The following HIPK3 variants were observed in gnomAD, a reference collection of about 807,000 sequenced individuals.
HIPK3 encodes homeodomain interacting protein kinase 3.
HIPK3 carries 47 observed loss-of-function variants against 124.2 expected under a neutral mutation model. The ratio of observed to expected loss-of-function variants is 0.38; its 90% CI spans 0.30 to 0.48. The LOEUF (loss-of-function observed/expected upper bound fraction) is 0.48. HIPK3 is among the 20% of genes least tolerant of loss of function. HIPK3 has a pLI of 0.98. For synonymous variants in HIPK3, 482 were observed against 515.2 expected (o/e 0.94, Z 0.87); for missense variants, 1,286 against 1,454.3 (o/e 0.88, Z 1.88).
intron 8 of HIPK3, among the ~76,000 whole-genome samples, chr11:33,343,016 G>A (rs1296200741): frequency 1.3e-5 from 2 of 152,036 alleles, no homozygotes; most frequent in Non-Finnish European, 2.9e-5. Flanking sequence ...ATTACAGATG[G>A]GGCCCTAAAC....
Position 33,353,596 on chromosome 11 carries a change from A to G in HIPK3, c.*28A>G. On this transcript the variant is annotated 3_prime_UTR_variant, in exon 17 of 17. Coordinates refer to ENST00000303296, the MANE Select transcript of HIPK3 (RefSeq NM_005734.5). ...AACAGTATATTGGGGAAGCTCAATGATACAAACATTTGATTAAAAATAAAA... is the reference window on the plus strand; with the variant it reads ...AACAGTATATTGGGGAAGCTCAATGGTACAAACATTTGATTAAAAATAAAA... 1 of 1,341,332 alleles carries G rather than the reference A, an allele frequency of 7.5e-7. No individual in the cohort carries two copies. The allele number at this position is 1,341,332 out of a possible 1,614,324, so 83.1% of individuals were successfully genotyped here.
intron 2 of HIPK3, among the ~76,000 whole-genome samples, chr11:33,310,244 CTG>C (rs1852283200): frequency 6.8e-6 from 1 of 147,220 alleles, no homozygotes; most frequent in Non-Finnish European, 1.5e-5. Flanking sequence ...GTCTGTCTGT[CTG>C]TCTGTCTGTC....
At chr11:33,267,664 C>A (rs1479205787) in intron 1 of HIPK3, among the ~76,000 whole-genome samples, 2 of 151,170 alleles carry the variant, frequency 1.3e-5, no homozygotes, top group South Asian at 4.2e-4. Context: ...CAGCTAAAAT[C>A]TTTTTGTATT....
intron 1 of HIPK3, among the ~76,000 whole-genome samples, chr11:33,272,760 C>CCCACCCTTCCT (rs1851162467): frequency 9.8e-6 from 1 of 102,562 alleles, no homozygotes; most frequent in African/African-American, 3.8e-5. Context: ...CTCCTTCTCT[C>CCCACCCTTCCT]CCTCCCTCCC....
At chr11:33,305,003 T>C (rs1003389711) in intron 2 of HIPK3, among the ~76,000 whole-genome samples, 1 of 152,176 alleles carries the variant, frequency 6.6e-6, no homozygotes, top group Admixed American at 6.5e-5. Flanking sequence ...CAAAACTTTT[T>C]TTATTTTTGT....
chr11:33,296,382 A>G (rs1412474417), intron 2 of HIPK3, among the ~76,000 whole-genome samples: 1 of 152,218 alleles, frequency 6.6e-6, no homozygotes, highest in African/African-American at 2.4e-5. Flanking sequence ...ACCTGGACAC[A>G]GGTCAGGTAT....
rs773234526 is a variant in HIPK3 at position 33,347,780 on chromosome 11, G to A, written c.2144+27G>A. On this transcript the variant is annotated intron_variant, in intron 10 of 16. Coordinates refer to ENST00000303296, the MANE Select transcript of HIPK3 (RefSeq NM_005734.5). ...TAAGCTGAAAACAAAAGTACTTTGT[G>A]AATAGTTTGCAGACTAGATCTTGAT... 2.5e-6 allele frequency: 4 copies of A among 1,612,706 alleles called. No homozygotes were observed. The Admixed American group carries it at 6.7e-5, about 27-fold the overall frequency.
At chr11:33,315,530 T>G (rs963160408) in intron 2 of HIPK3, among the ~76,000 whole-genome samples, 5 of 152,184 alleles carry the variant, frequency 3.3e-5, no homozygotes, top group African/African-American at 9.7e-5. Flanking sequence ...TGGCCTTAGC[T>G]AAGTTATTTA....
rs538179966 is a variant in HIPK3, at chr11:33,353,808, G to A, written c.*240G>A. 11 of 452,412 alleles carry A rather than the reference G, an allele frequency of 2.4e-5. No individual in the cohort carries two copies. In the East Asian group the frequency reaches 4.7e-4, roughly 20 times the overall value. 28.0% of individuals were successfully genotyped at this position (452,412 alleles called of 1,614,324 possible). A position where few individuals can be genotyped will look rare whatever the true frequency, so the allele number is the denominator to read the frequency against. ...TCTAGACAGGTGACTTATGGGAGCA[G>A]AAGTCCAGTTTTGCTCCTGCTATTT... On this transcript the variant is annotated 3_prime_UTR_variant, in exon 17 of 17. Transcript: ENST00000303296.
intron 2 of HIPK3, among the ~76,000 whole-genome samples, chr11:33,307,555 C>A (rs1180711800): frequency 2.0e-5 from 3 of 151,342 alleles, no homozygotes; most frequent in Admixed American, 1.3e-4. Context: ...CCTGCCACCA[C>A]GCCTGGCTAA....
chr11:33,319,063 G>A (rs1852587729), intron 2 of HIPK3, among the ~76,000 whole-genome samples: 1 of 152,218 alleles, frequency 6.6e-6, no homozygotes, highest in African/African-American at 2.4e-5. Context: ...AAATTTGGTT[G>A]CTTCAGAAAC....
At chr11:33,304,557 C>CA (rs530460755) in intron 2 of HIPK3, among the ~76,000 whole-genome samples, 2,390 of 113,866 alleles carry the variant, frequency 0.021, 15 homozygotes, top group African/African-American at 0.022. Context: ...AACTCCATTT[C>CA]AAAAAAAAAA....
intron 2 of HIPK3, among the ~76,000 whole-genome samples, chr11:33,303,844 A>G (rs1852073996): frequency 6.6e-6 from 1 of 152,220 alleles, no homozygotes; most frequent in African/African-American, 2.4e-5. Flanking sequence ...TAAAAGGAAC[A>G]AACATTTCTT....
At chr11:33,311,837 TACACACACACAC>T (rs370396153) in intron 2 of HIPK3, among the ~76,000 whole-genome samples, 2 of 104,408 alleles carry the variant, frequency 1.9e-5, no homozygotes, top group African/African-American at 3.8e-5. Context: ...ACCCTGTTTC[TACACACACACAC>T]ACACACACAC....
chr11:33,290,638 GTCT>G (rs1349805267), intron 2 of HIPK3, among the ~76,000 whole-genome samples: 2 of 121,086 alleles, frequency 1.7e-5, no homozygotes, highest in East Asian at 2.6e-4. Flanking sequence ...AAAAAAAAAA[GTCT>G]TTTTTTTTTT....
At chr11:33,268,741 C>T (rs1014834561) in intron 1 of HIPK3, among the ~76,000 whole-genome samples, 1 of 151,970 alleles carries the variant, frequency 6.6e-6, no homozygotes, top group Non-Finnish European at 1.5e-5. Context: ...CCTAGTGTGG[C>T]ATTTCTGAAA....
At chr11:33,342,484 G>T (rs1055072868) in intron 8 of HIPK3, among the ~76,000 whole-genome samples, 7 of 151,538 alleles carry the variant, frequency 4.6e-5, no homozygotes, top group Non-Finnish European at 1.0e-4. Flanking sequence ...AATAAAAATA[G>T]CCAATTAAAT....
Position 33,356,596 on chromosome 11 carries a change from G to A in HIPK3, c.*3028G>A, listed in dbSNP as rs1279727704. 6.6e-6 allele frequency: 1 copy of A among 151,400 alleles called. No homozygotes were observed. The highest frequency in any genetic ancestry group is 1.5e-5 in the Non-Finnish European group (1 of 67,808). 9.4% of individuals were successfully genotyped at this position (151,400 alleles called of 1,614,324 possible). ...TTTAAAATCTGCTAATTTTAAACTT[G>A]GACTGTGTTAAGTAAAAGTTAAATC... is the stretch of plus-strand genomic sequence containing the variant. On this transcript the variant is annotated 3_prime_UTR_variant, in exon 17 of 17. Transcript: ENST00000303296.
rs1295707300 is a variant in HIPK3 at position 33,342,704 on chromosome 11, C to A, written c.1897+1018C>A. On this transcript the variant is annotated intron_variant, in intron 8 of 16. Coordinates refer to ENST00000303296, the MANE Select transcript of HIPK3 (RefSeq NM_005734.5). ...CTGGGAAGCTGGGATTACAGGCATGCGCCACCACGCCTGGCTAATTTTGTA... is the reference window on the plus strand; with the variant it reads ...CTGGGAAGCTGGGATTACAGGCATGAGCCACCACGCCTGGCTAATTTTGTA... Among the ~76,000 whole-genome samples the A allele has an allele frequency of 2.0e-5, 3 of 152,168 alleles. No homozygotes were observed. The East Asian group carries it at 5.8e-4, about 29-fold the overall frequency.
Sources: gnomAD v4.1 joint callset for allele counts (sites outside exome capture counted in the v4.1 genomes callset) on GRCh38, gnomAD v4.1.1 for gene constraint, MANE v1.5 for transcripts, NCBI Gene and HGNC (gene_info 2026-07-23, HGNC 2026-07-21) for gene names.